The following DTNBP1 variants were observed in gnomAD, a reference collection of about 807,000 sequenced individuals.
DTNBP1 encodes dysbindin.
DTNBP1 carries 35 observed loss-of-function variants against 42.8 expected under a neutral mutation model. That is an observed-to-expected ratio of 0.82 (90% confidence interval 0.63 to 1.09). DTNBP1 has a LOEUF of 1.09. Ranked by LOEUF, DTNBP1 falls within the 50% of genes least tolerant of loss-of-function variation. The pLI, the probability that DTNBP1 is intolerant of heterozygous loss-of-function variation, is 0.00. For synonymous variants in DTNBP1, 171 were observed against 162.2 expected (o/e 1.05, Z -0.41); for missense variants, 457 against 424.2 (o/e 1.08, Z -0.68).
intron 8 of DTNBP1, among the ~76,000 whole-genome samples, chr6:15,531,584 A>T (rs1394196117): frequency 6.6e-6 from 1 of 152,148 alleles, no homozygotes; most frequent in Non-Finnish European, 1.5e-5. Flanking sequence ...ACTGCTATTA[A>T]TCTATTTTTC....
chr6:15,526,452 C>A (rs566898046), intron 8 of DTNBP1, among the ~76,000 whole-genome samples: 11 of 152,332 alleles, frequency 7.2e-5, no homozygotes, highest in Admixed American at 2.0e-4. Flanking sequence ...CAGAAAATCA[C>A]TAAAGTTCAG....
At chr6:15,660,283 TCTC>T in intron 1 of DTNBP1, 1 of 1,170,082 alleles carries the variant, frequency 8.5e-7, no homozygotes, top group South Asian at 1.3e-5. Context: ...CGTCATCTTT[TCTC>T]CTCAAGGCAA....
chr6:15,569,749 CAT>C (rs377519381), intron 7 of DTNBP1, among the ~76,000 whole-genome samples: 96 of 152,314 alleles, frequency 6.3e-4, no homozygotes, highest in African/African-American at 2.2e-3. Flanking sequence ...CCTCTGAACA[CAT>C]AGTTTCTTCT....
In DTNBP1 at chr6:15,575,881, C is replaced by T. The variant is rs1775539545; in HGVS notation, c.511+17178G>A. 2.0e-5 allele frequency among the ~76,000 whole-genome samples: 3 copies of T among 152,156 alleles called. No individual in the cohort carries two copies. The South Asian group carries it at 6.2e-4, about 32-fold the overall frequency. ...GTGAAGAGCATAAAGAAATGGACTC[C>T]ATGAAGAAGGGTCAGTGTGCACAAA... is the stretch of plus-strand genomic sequence containing the variant. On this transcript the variant is annotated intron_variant, in intron 7 of 9. Coordinates refer to ENST00000344537, the MANE Select transcript of DTNBP1 (RefSeq NM_032122.5).
intron 7 of DTNBP1, chr6:15,585,835 C>A: frequency 6.7e-7 from 1 of 1,494,320 alleles, no homozygotes; most frequent in Non-Finnish European, 8.9e-7. Flanking sequence ...AGGCAGCTGC[C>A]CTCACGTGCA....
chr6:15,663,019 C>T lies in DTNBP1; in HGVS notation c.-150G>A, dbSNP rs1286661521. 4.4e-6 allele frequency: 5 copies of T among 1,137,564 alleles called. No individual in the cohort carries two copies. Among genetic ancestry groups the T allele is most frequent in the Middle Eastern group, 2.8e-4 (1 of 3,518 alleles). The allele number at this position is 1,137,564 out of a possible 1,614,324, so 70.5% of individuals were successfully genotyped here. On this transcript the variant is annotated 5_prime_UTR_variant, in exon 1 of 10. Coordinates refer to ENST00000344537, the MANE Select transcript of DTNBP1 (RefSeq NM_032122.5). Reference sequence around the variant, plus strand: ...CCCCGGTCTGGTCCTCGCCGCCGCGCCGCAACCCCAGCCCCTTCCGCGTTC... The same window carrying T: ...CCCCGGTCTGGTCCTCGCCGCCGCGTCGCAACCCCAGCCCCTTCCGCGTTC...
intron 4 of DTNBP1, among the ~76,000 whole-genome samples, chr6:15,636,378 C>T (rs1247567041): frequency 4.6e-5 from 7 of 151,914 alleles, no homozygotes; most frequent in Admixed American, 6.6e-5. Context: ...CTCAAACTCC[C>T]GACCTCAGGT....
chr6:15,618,951 T>C (rs1340206889), intron 5 of DTNBP1, among the ~76,000 whole-genome samples: 1 of 152,194 alleles, frequency 6.6e-6, no homozygotes, highest in Non-Finnish European at 1.5e-5. Context: ...TCGAGGACAT[T>C]ATGTTAAGTG....
At chr6:15,525,465 T>C (rs1772319304) in intron 8 of DTNBP1, among the ~76,000 whole-genome samples, 1 of 152,238 alleles carries the variant, frequency 6.6e-6, no homozygotes, top group South Asian at 2.1e-4. Context: ...AATCTGGCAT[T>C]TGTAACACAC....
At chr6:15,576,515 C>A (rs1237386326) in intron 7 of DTNBP1, among the ~76,000 whole-genome samples, 3 of 151,554 alleles carry the variant, frequency 2.0e-5, no homozygotes. Context: ...GTGGCTCATG[C>A]CTATAATCCC....
intron 8 of DTNBP1, among the ~76,000 whole-genome samples, chr6:15,532,625 A>C (rs1291441774): frequency 2.0e-5 from 3 of 151,704 alleles, no homozygotes; most frequent in Non-Finnish European, 4.4e-5. Flanking sequence ...CTGGAGAATT[A>C]AGGGCTATTT....
intron 7 of DTNBP1, among the ~76,000 whole-genome samples, chr6:15,544,924 C>G (rs1019770773): frequency 1.3e-5 from 2 of 152,074 alleles, no homozygotes; most frequent in African/African-American, 4.8e-5. Flanking sequence ...ACTTTTAGTT[C>G]CCTGAGCTTA....
intron 3 of DTNBP1, among the ~76,000 whole-genome samples, chr6:15,650,160 T>C (rs1373447044): frequency 6.6e-6 from 1 of 152,204 alleles, no homozygotes; most frequent in East Asian, 1.9e-4. Context: ...CAAATACAGA[T>C]AAGGAAAAGC....
rs111520853 is a variant in DTNBP1, at chr6:15,532,991, G to A, written c.667+249C>T. ...TGGGATTACAGGCGTGAGCCACCACGCCTGGCTGTATCTGTAATCTTTAGA... is the reference window on the plus strand; with the variant it reads ...TGGGATTACAGGCGTGAGCCACCACACCTGGCTGTATCTGTAATCTTTAGA... On this transcript the variant is annotated intron_variant, in intron 8 of 9. Coordinates refer to ENST00000344537, the MANE Select transcript of DTNBP1 (RefSeq NM_032122.5). Among the ~76,000 whole-genome samples the A allele has an allele frequency of 1.4e-3, 214 of 152,132 alleles. 1 individual carries two copies. The highest frequency in any genetic ancestry group is 1.6e-3 in the Non-Finnish European group (109 of 67,988).
chr6:15,629,107 C>T (rs1416239780), intron 4 of DTNBP1, among the ~76,000 whole-genome samples: 1 of 152,122 alleles, frequency 6.6e-6, no homozygotes, highest in African/African-American at 2.4e-5. Context: ...GAAAAAACAG[C>T]TAAAATGCAG....
intron 7 of DTNBP1, among the ~76,000 whole-genome samples, chr6:15,589,640 G>A (rs1281791777): frequency 6.6e-6 from 1 of 152,066 alleles, no homozygotes; most frequent in Non-Finnish European, 1.5e-5. Flanking sequence ...TTCCTTACGT[G>A]AATTCTCAAA....
At chr6:15,592,934 G>T in intron 7 of DTNBP1, 125 bp downstream of exon 7, 1 of 992,468 alleles carries the variant, frequency 1.0e-6, no homozygotes, top group Non-Finnish European at 1.5e-6. Context: ...ACAAAAAACA[G>T]TATTAAGTTT....
intron 7 of DTNBP1, among the ~76,000 whole-genome samples, chr6:15,588,205 A>C (rs1346861334): frequency 6.6e-6 from 1 of 152,204 alleles, no homozygotes; most frequent in South Asian, 2.1e-4. Context: ...AGTTTCCTGA[A>C]TCTGTGTCTT....
Position 15,554,257 on chromosome 6 carries a change from C to A in DTNBP1, c.512-20862G>T, listed in dbSNP as rs7753666. ...CTTTTTTCTTCTTTTTCTTCTTCTT[C>A]TTATTATTTGAGATAGAGTCTCACT... is the stretch of plus-strand genomic sequence containing the variant. On this transcript the variant is annotated intron_variant, in intron 7 of 9. Transcript: ENST00000344537. Among the ~76,000 whole-genome samples, 728 of 151,998 alleles carry A rather than the reference C, an allele frequency of 4.8e-3. 6 individuals carry two copies. Among genetic ancestry groups the A allele is most frequent in the African/African-American group, 0.016 (667 of 41,454 alleles).
Sources: allele counts gnomAD v4.1 joint callset (sites outside exome capture counted in the v4.1 genomes callset), GRCh38; gene constraint gnomAD v4.1.1; transcripts MANE v1.5; gene names NCBI Gene and HGNC (gene_info 2026-07-23, HGNC 2026-07-21).